TMCC3: variants seen among roughly 807,000 people sequenced by gnomAD.
The protein encoded by TMCC3 is transmembrane and coiled-coil domain family 3, also known as transmembrane and coiled-coil domain protein 3.
A neutral mutation model predicts 40.2 loss-of-function variants in TMCC3; 28 were observed. The observed-to-expected ratio is 0.70, with a 90% CI of 0.52 to 0.95. The LOEUF is 0.95. TMCC3 is among the 40% of genes least tolerant of loss of function. The pLI is 0.00. For missense variants in TMCC3, 554 were observed against 615.2 expected (o/e 0.90, Z 1.05); for synonymous variants, 255 against 248.5 (o/e 1.03, Z -0.25).
At chr12:94,645,816 T>G (rs1243568649) in intron 1 of TMCC3, among the ~76,000 whole-genome samples, 1 of 152,186 alleles carries the variant, frequency 6.6e-6, no homozygotes, top group Non-Finnish European at 1.5e-5. Context: ...CCTGTAAGCA[T>G]TTCCTTTGAG....
chr12:94,628,145 G>T (rs2068913492), intron 1 of TMCC3, among the ~76,000 whole-genome samples: 1 of 152,172 alleles, frequency 6.6e-6, no homozygotes. Flanking sequence ...TAAATTCAGT[G>T]CCATGAAAGG....
intron 1 of TMCC3, among the ~76,000 whole-genome samples, chr12:94,606,051 G>T (rs1185482809): frequency 6.6e-6 from 1 of 152,160 alleles, no homozygotes; most frequent in Non-Finnish European, 1.5e-5. Flanking sequence ...GTGTGTAGGG[G>T]GGTGGATAGA....
chr12:94,649,522 G>T lies in TMCC3; in HGVS notation c.78+831C>A, dbSNP rs2069040805. ...GCGTGGAGGAGGTGCTTTGTTAAAT[G>T]GCACTTCAATCAGCCCTGGGGAGAA... On this transcript the variant is annotated intron_variant, in intron 1 of 3. Transcript: ENST00000261226. 2.0e-5 allele frequency among the ~76,000 whole-genome samples: 3 copies of T among 151,962 alleles called. No homozygotes were observed. In the South Asian group the frequency reaches 6.2e-4, roughly 32 times the overall value.
chr12:94,619,278 A>G (rs2068863216), intron 1 of TMCC3, among the ~76,000 whole-genome samples: 1 of 152,182 alleles, frequency 6.6e-6, no homozygotes, highest in South Asian at 2.1e-4. Context: ...CCTGATCTAG[A>G]GCAGGATTTT....
At chr12:94,641,543 C>T (rs956493989) in intron 1 of TMCC3, among the ~76,000 whole-genome samples, 2 of 152,272 alleles carry the variant, frequency 1.3e-5, no homozygotes, top group South Asian at 4.1e-4. Context: ...CATGGGCCAT[C>T]GGACTCAAGT....
intron 1 of TMCC3, among the ~76,000 whole-genome samples, chr12:94,603,195 A>G (rs749092627): frequency 6.6e-6 from 1 of 152,014 alleles, no homozygotes; most frequent in African/African-American, 2.4e-5. Context: ...AACAATTCTC[A>G]TGCCTCAGCT....
intron 1 of TMCC3, among the ~76,000 whole-genome samples, chr12:94,639,524 G>A (rs144568567): frequency 2.9e-3 from 438 of 152,154 alleles, no homozygotes; most frequent in African/African-American, 9.8e-3. Flanking sequence ...AGGCTGCAGT[G>A]AGCCAAGACT....
At chr12:94,592,361 C>T (rs575543716) in intron 1 of TMCC3, among the ~76,000 whole-genome samples, 5 of 151,846 alleles carry the variant, frequency 3.3e-5, no homozygotes, top group Admixed American at 1.3e-4. Flanking sequence ...TATTTCCGGC[C>T]GGGCGCAGTG....
chr12:94,636,215 A>G (rs537004232), intron 1 of TMCC3, among the ~76,000 whole-genome samples: 9 of 152,374 alleles, frequency 5.9e-5, no homozygotes, highest in African/African-American at 1.9e-4. Flanking sequence ...AAGGAATTGA[A>G]TAATTCTAAC....
chr12:94,578,171 A>AAAAAAAAG (rs1566313869), intron 3 of TMCC3, among the ~76,000 whole-genome samples: 1 of 147,872 alleles, frequency 6.8e-6, no homozygotes, highest in African/African-American at 2.5e-5. Context: ...AAAAAAAAGA[A>AAAAAAAAG]AAAGAAAAAG....
At chr12:94,643,254 C>T (rs1477441163) in intron 1 of TMCC3, among the ~76,000 whole-genome samples, 1 of 152,122 alleles carries the variant, frequency 6.6e-6, no homozygotes, top group East Asian at 1.9e-4. Context: ...CACTCCAGTG[C>T]ACTCCCCCAA....
At chr12:94,643,637 CAT>C (rs1385046185) in intron 1 of TMCC3, among the ~76,000 whole-genome samples, 3 of 152,214 alleles carry the variant, frequency 2.0e-5, no homozygotes, top group Non-Finnish European at 4.4e-5. Context: ...CATTCATTCA[CAT>C]GTTTACTGGG....
At chr12:94,644,211 T>C (rs2069005890) in intron 1 of TMCC3, among the ~76,000 whole-genome samples, 1 of 152,200 alleles carries the variant, frequency 6.6e-6, no homozygotes. Flanking sequence ...TTCGAAGGAA[T>C]GAAAAGTCCT....
chr12:94,593,419 A>G (rs368069695), intron 1 of TMCC3, among the ~76,000 whole-genome samples: 2 of 46,172 alleles, frequency 4.3e-5, no homozygotes, highest in Admixed American at 2.1e-4. Flanking sequence ...AGGAAGAAGA[A>G]GAAGGAAGAA....
At chr12:94,581,600 C>T (rs2068601771) in intron 2 of TMCC3, 22 bp downstream of exon 2, 2 of 1,322,300 alleles carry the variant, frequency 1.5e-6, no homozygotes, top group African/African-American at 1.5e-5. Context: ...AAAAAACACG[C>T]CAATGGAATA....
chr12:94,639,511 C>T (rs532440925), intron 1 of TMCC3, among the ~76,000 whole-genome samples: 14 of 152,044 alleles, frequency 9.2e-5, no homozygotes, highest in Non-Finnish European at 1.6e-4. Flanking sequence ...ACCTGGGAGG[C>T]GGAGGCTGCA....
At chr12:94,577,287 C>T (rs1399078780) in intron 3 of TMCC3, among the ~76,000 whole-genome samples, 1 of 152,128 alleles carries the variant, frequency 6.6e-6, no homozygotes, top group Non-Finnish European at 1.5e-5. Flanking sequence ...CTCCCGGATT[C>T]AAGCAATTCT....
intron 1 of TMCC3, among the ~76,000 whole-genome samples, chr12:94,634,883 T>C (rs2068952167): frequency 6.6e-6 from 1 of 152,240 alleles, no homozygotes; most frequent in African/African-American, 2.4e-5. Flanking sequence ...GTCAGGAGGC[T>C]TCTACAAGCA....
At position 94,569,635 on chromosome 12, in the gene TMCC3, A is replaced by G. The variant is rs1165910478; in HGVS notation, c.*1800T>C. The G allele has an allele frequency of 6.6e-6, 1 of 152,166 alleles. No individual in the cohort carries two copies. Among genetic ancestry groups the G allele is most frequent in the East Asian group, 1.9e-4 (1 of 5,196 alleles). The allele number at this position is 152,166 out of a possible 1,614,324, so 9.4% of individuals were successfully genotyped here. The stretch of plus-strand genomic sequence containing the variant: ...TTTGTGAATTTACTAAAACCACTCA[A>G]TTGTACGCTTAAAAAAAAAAGCAAG... On this transcript the variant is annotated 3_prime_UTR_variant, in exon 4 of 4. Coordinates refer to ENST00000261226, the MANE Select transcript of TMCC3 (RefSeq NM_020698.4).
Sources: gnomAD v4.1 joint callset for allele counts (sites outside exome capture counted in the v4.1 genomes callset) on GRCh38, gnomAD v4.1.1 for gene constraint, MANE v1.5 for transcripts, NCBI Gene and HGNC (gene_info 2026-07-23, HGNC 2026-07-21) for gene names.